TLL1: variants seen among roughly 807,000 people sequenced by gnomAD.
The protein encoded by TLL1 is tolloid like 1, also known as tolloid-like protein 1.
TLL1 carries 49 observed loss-of-function variants against 128.2 expected under a neutral mutation model. The ratio of observed to expected loss-of-function variants is 0.38; its 90% CI spans 0.30 to 0.48. The LOEUF (loss-of-function observed/expected upper bound fraction) is 0.48, where lower values mean the gene tolerates loss of function less well. Among genes scored for constraint, TLL1 ranks in the 20% least tolerant of loss-of-function variants. The pLI, the probability that TLL1 is intolerant of heterozygous loss-of-function variation, is 0.96. For missense variants in TLL1, 1,123 were observed against 1,242.0 expected (o/e 0.90, Z 1.44); for synonymous variants, 454 against 418.8 (o/e 1.08, Z -1.03).
In TLL1 at chr4:165,873,816, C is replaced by T; in HGVS notation, c.-89C>T. The T allele has an allele frequency of 2.7e-6, 4 of 1,489,892 alleles. No individual in the cohort carries two copies. The highest frequency in any genetic ancestry group is 1.2e-5 in the South Asian group (1 of 86,944). 92.3% of individuals were successfully genotyped at this position (1,489,892 alleles called of 1,614,324 possible). A position where few individuals can be genotyped will look rare whatever the true frequency, so the allele number is the denominator to read the frequency against. ...AGGAGCCTCCGGGTGGGGAGAAGAGCACCGGTGCCCCTAGCCCCGCACATC... is the reference window on the plus strand; with the variant it reads ...AGGAGCCTCCGGGTGGGGAGAAGAGTACCGGTGCCCCTAGCCCCGCACATC... On this transcript the variant is annotated 5_prime_UTR_variant, in exon 1 of 21. Transcript: ENST00000061240.
rs150106909 is a variant in TLL1 at position 166,033,799 on chromosome 4, C to T, written c.1159-5540C>T. ...GCTGGCAACAATCCAAAATGTGCAG[C>T]GAAGAGGGTAGCTGTGTTGAGCTGA... On this transcript the variant is annotated intron_variant, in intron 9 of 20. Coordinates refer to ENST00000061240, the MANE Select transcript of TLL1 (RefSeq NM_012464.5). Among the ~76,000 whole-genome samples, 866 of 152,192 alleles carry T rather than the reference C, an allele frequency of 5.7e-3. 5 individuals carry two copies. The highest frequency in any genetic ancestry group is 0.019 in the African/African-American group (786 of 41,546).
At chr4:165,882,260 T>C (rs1330387035) in intron 1 of TLL1, among the ~76,000 whole-genome samples, 1 of 152,158 alleles carries the variant, frequency 6.6e-6, no homozygotes, top group Non-Finnish European at 1.5e-5. Context: ...ATATGTAATA[T>C]TTACTATACG....
chr4:166,062,772 A>G (rs569315307), intron 15 of TLL1, among the ~76,000 whole-genome samples: 41 of 152,178 alleles, frequency 2.7e-4, no homozygotes, highest in Non-Finnish European at 5.7e-4. Flanking sequence ...AGGAGTGGTG[A>G]GAGAGGGCAT....
chr4:166,092,643 G>A (rs1407091698), intron 19 of TLL1, among the ~76,000 whole-genome samples: 6 of 152,074 alleles, frequency 3.9e-5, no homozygotes, highest in Admixed American at 1.3e-4. Flanking sequence ...AGAAAATATC[G>A]TCATCATAGG....
At chr4:166,062,419 G>T (rs1473082644) in intron 15 of TLL1, among the ~76,000 whole-genome samples, 1 of 152,144 alleles carries the variant, frequency 6.6e-6, no homozygotes, top group Non-Finnish European at 1.5e-5. Context: ...AGTTCTCCTT[G>T]AAGAGGTCCT....
At chr4:166,000,965 T>C (rs918929586) in intron 5 of TLL1, among the ~76,000 whole-genome samples, 1 of 151,990 alleles carries the variant, frequency 6.6e-6, no homozygotes, top group Non-Finnish European at 1.5e-5. Flanking sequence ...TTCATCTAAC[T>C]GGCGTAGTAT....
At chr4:166,057,440 A>G in intron 14 of TLL1, 131 bp downstream of exon 14, 1 of 1,344,010 alleles carries the variant, frequency 7.4e-7, no homozygotes, top group Non-Finnish European at 1.0e-6. Context: ...AGTAAGACTC[A>G]ATTCACAGTC....
chr4:166,100,977 G>C lies in TLL1; in HGVS notation c.*101G>C. 3 of 1,468,766 alleles carry C rather than the reference G, an allele frequency of 2.0e-6. No homozygotes were observed. Among genetic ancestry groups the C allele is most frequent in the Non-Finnish European group, 2.8e-6 (3 of 1,082,034 alleles). 91.0% of individuals were successfully genotyped at this position (1,468,766 alleles called of 1,614,324 possible). On this transcript the variant is annotated 3_prime_UTR_variant, in exon 21 of 21. Coordinates refer to ENST00000061240, the MANE Select transcript of TLL1 (RefSeq NM_012464.5). ...TTGGCACAAATGTTTTATACAAAGA[G>C]TTTGAACAAAAAATCCCTGTAAGAC...
chr4:165,908,314 G>C (rs1732366416), intron 1 of TLL1, among the ~76,000 whole-genome samples: 1 of 152,128 alleles, frequency 6.6e-6, no homozygotes, highest in African/African-American at 2.4e-5. Context: ...GATGGGTCAG[G>C]CACAGTGGCT....
intron 1 of TLL1, among the ~76,000 whole-genome samples, chr4:165,968,791 T>A (rs1278343738): frequency 6.6e-6 from 1 of 152,194 alleles, no homozygotes. Flanking sequence ...GTTCATCTTT[T>A]AAAAGTCAGA....
At position 166,087,164 on chromosome 4, in the gene TLL1, G is replaced by A. The variant is rs181621551; in HGVS notation, c.2443-3964G>A. On this transcript the variant is annotated intron_variant, in intron 18 of 20. Coordinates refer to ENST00000061240, the MANE Select transcript of TLL1 (RefSeq NM_012464.5). ...AAAATACAAACAAACAAAGTTCTAGGCATCCAAGCATACTTCAATAAGCTA... is the reference window on the plus strand; with the variant it reads ...AAAATACAAACAAACAAAGTTCTAGACATCCAAGCATACTTCAATAAGCTA... Among the ~76,000 whole-genome samples the A allele has an allele frequency of 3.2e-3, 482 of 152,032 alleles. 2 individuals carry two copies. Among genetic ancestry groups the A allele is most frequent in the African/African-American group, 0.011 (453 of 41,464 alleles).
At position 166,003,574 on chromosome 4, in the gene TLL1, G is replaced by A. The variant is rs1356529718; in HGVS notation, c.811+5G>A. On this transcript the variant is annotated splice_donor_5th_base_variant and intron_variant, in intron 6 of 20. Transcript: ENST00000061240. ...TAAGAGAAAACATCCAGCCAGGTGA[G>A]AGGCATAGAATGTGTTGGGTTTAAG... 1.9e-6 allele frequency: 3 copies of A among 1,613,706 alleles called. No homozygotes were observed. Among genetic ancestry groups the A allele is most frequent in the African/African-American group, 2.7e-5 (2 of 74,912 alleles).
rs141773236 is a variant in TLL1, at chr4:165,989,484, T to C, written c.273T>C (p.His91=). The C allele has an allele frequency of 4.4e-6, 7 of 1,608,340 alleles. No individual in the cohort carries two copies. Among genetic ancestry groups the C allele is most frequent in the African/African-American group, 1.3e-5 (1 of 74,750 alleles). ...LTQNPFGNLG[H]TTGGLGDHAM... Reference sequence around the variant, plus strand: ...AGAACCCCTTTGGAAACCTTGGACATACCACAGGTATGGTTGATTGTTTCA... The same window carrying C: ...AGAACCCCTTTGGAAACCTTGGACACACCACAGGTATGGTTGATTGTTTCA... The change falls in exon 2 of 21, where the codon CAT becomes CAC. Residue 91 remains histidine, a synonymous_variant. Coordinates refer to ENST00000061240, the MANE Select transcript of TLL1 (RefSeq NM_012464.5).
intron 1 of TLL1, among the ~76,000 whole-genome samples, chr4:165,922,233 T>C (rs1371512951): frequency 1.3e-5 from 2 of 152,174 alleles, no homozygotes; most frequent in African/African-American, 4.8e-5. Context: ...TTAAACAACA[T>C]AAACTTAAGA....
At chr4:166,088,819 G>A (rs894904690) in intron 18 of TLL1, among the ~76,000 whole-genome samples, 1 of 152,096 alleles carries the variant, frequency 6.6e-6, no homozygotes. Context: ...GCTACTTTGT[G>A]TGGTGTTGCT....
rs57920393 is a variant in TLL1 at position 165,895,633 on chromosome 4, T to TAAA, written c.169+21587_169+21589dup. On this transcript the variant is annotated intron_variant, in intron 1 of 20. Coordinates refer to ENST00000061240, the MANE Select transcript of TLL1 (RefSeq NM_012464.5). ...CCAAAAAGCTCAGTAAGACTTTTTGTAAAAAAAAAAAAAAAAAAAAAAAAA... is the reference window on the plus strand; with the variant it reads ...CCAAAAAGCTCAGTAAGACTTTTTGTAAAAAAAAAAAAAAAAAAAAAAAAAAAA... 6.1e-3 allele frequency among the ~76,000 whole-genome samples: 417 copies of TAAA among 68,408 alleles called. 31 individuals carry two copies. Among genetic ancestry groups the TAAA allele is most frequent in the East Asian group, 0.031 (85 of 2,742 alleles). 44.9% of individuals were successfully genotyped at this position (68,408 alleles called of 152,430 possible). A position where few individuals can be genotyped will look rare whatever the true frequency, so the allele number is the denominator to read the frequency against.
intron 1 of TLL1, among the ~76,000 whole-genome samples, chr4:165,913,647 A>G (rs1399639207): frequency 1.3e-5 from 2 of 152,174 alleles, no homozygotes; most frequent in Non-Finnish European, 2.9e-5. Flanking sequence ...TTAAACTGAG[A>G]TACTATGTAA....
intron 1 of TLL1, among the ~76,000 whole-genome samples, chr4:165,910,680 T>C (rs1026371122): frequency 3.0e-4 from 45 of 152,208 alleles, no homozygotes; most frequent in African/African-American, 9.9e-4. Context: ...ACTATAAGGC[T>C]AAAACTGGAA....
intron 8 of TLL1, among the ~76,000 whole-genome samples, chr4:166,014,951 A>AT (rs1435957278): frequency 1.3e-5 from 2 of 151,836 alleles, no homozygotes; most frequent in Non-Finnish European, 2.9e-5. Context: ...CCTGGATGAT[A>AT]TTTTTTTGCA....
Sources: gnomAD v4.1 joint callset for allele counts (sites outside exome capture counted in the v4.1 genomes callset) on GRCh38, gnomAD v4.1.1 for gene constraint, MANE v1.5 for transcripts, NCBI Gene and HGNC (gene_info 2026-07-23, HGNC 2026-07-21) for gene names.